The following BAZ2B variants were observed in gnomAD, a reference collection of about 807,000 sequenced individuals.
BAZ2B encodes the protein bromodomain adjacent to zinc finger domain protein 2B.
Under a neutral mutation model 246.0 loss-of-function variants are expected in BAZ2B, and 91 were observed. That is an observed-to-expected ratio of 0.37 (90% CI 0.31 to 0.44). The LOEUF (loss-of-function observed/expected upper bound fraction) is 0.44, where lower values mean the gene tolerates loss of function less well. Among genes scored for constraint, BAZ2B ranks in the 20% least tolerant of loss-of-function variants. BAZ2B has a pLI of 1.00. For missense variants in BAZ2B, 2,332 were observed against 2,533.7 expected (o/e 0.92, Z 1.71); for synonymous variants, 855 against 860.0 (o/e 0.99, Z 0.10).
intron 36 of BAZ2B, among the ~76,000 whole-genome samples, chr2:159,322,271 T>C (rs978618544): frequency 6.6e-6 from 1 of 152,178 alleles, no homozygotes; most frequent in East Asian, 1.9e-4. Context: ...TTACTGAGGT[T>C]AAGAAATTCA....
the BAZ2B span, among the ~76,000 whole-genome samples, chr2:159,701,578 GTTGTAT>G: frequency 6.7e-6 from 1 of 149,332 alleles, no homozygotes; most frequent in East Asian, 1.9e-4. Flanking sequence ...TTTTTTAATA[GTTGTAT>G]TTGTAGTTTT....
At position 159,385,093 on chromosome 2, in the gene BAZ2B, T is replaced by C. The variant is rs1008896065; in HGVS notation, c.3686+62A>G. On this transcript the variant is annotated intron_variant, in intron 23 of 36. Coordinates refer to ENST00000392783, the MANE Select transcript of BAZ2B (RefSeq NM_013450.4). ...CCAATTTTCTATAATCAATTTGTAT[T>C]ACTTTTTGATTAGAAAAATTCAAAA... 2.1e-5 allele frequency: 32 copies of C among 1,489,082 alleles called. No homozygotes were observed. The African/African-American group carries it at 4.3e-4, about 20-fold the overall frequency. 92.2% of individuals were successfully genotyped at this position (1,489,082 alleles called of 1,614,324 possible). A position where few individuals can be genotyped will look rare whatever the true frequency, so the allele number is the denominator to read the frequency against.
intron 27 of BAZ2B, among the ~76,000 whole-genome samples, chr2:159,370,599 C>G (rs1333563404): frequency 6.6e-6 from 1 of 151,936 alleles, no homozygotes; most frequent in East Asian, 1.9e-4. Context: ...GTCTTGATCT[C>G]CTGACCTCGT....
chr2:159,504,782 C>T (rs1001238253), intron 2 of BAZ2B, among the ~76,000 whole-genome samples: 8 of 151,968 alleles, frequency 5.3e-5, no homozygotes, highest in African/African-American at 1.2e-4. Context: ...CAGCTTAAAC[C>T]GTAAGATAAT....
At chr2:159,367,399 C>G (rs1426768347) in intron 27 of BAZ2B, among the ~76,000 whole-genome samples, 2 of 152,028 alleles carry the variant, frequency 1.3e-5, no homozygotes, top group Non-Finnish European at 1.5e-5. Context: ...TATTACCTTG[C>G]CTCTTGTACA....
the BAZ2B span, among the ~76,000 whole-genome samples, chr2:159,667,719 G>T: frequency 6.6e-6 from 1 of 151,848 alleles, no homozygotes; most frequent in South Asian, 2.1e-4. Context: ...TATGTCCCAG[G>T]CCTATTTTAA....
chr2:159,646,464 T>C, the BAZ2B span, among the ~76,000 whole-genome samples: 142,243 of 152,178 alleles, frequency 0.93, 66,604 homozygotes, highest in Middle Eastern at 0.97. Flanking sequence ...TCTCAGCTTA[T>C]GAGATGACAG....
chr2:159,370,625 G>A (rs966594081), intron 27 of BAZ2B, among the ~76,000 whole-genome samples: 1 of 151,928 alleles, frequency 6.6e-6, no homozygotes, highest in Non-Finnish European at 1.5e-5. Context: ...GCCCGTCTCC[G>A]CCTCCCAAAG....
In BAZ2B at chr2:159,529,505, T is replaced by C. The variant is rs537114240; in HGVS notation, c.-3+26318A>G. On this transcript the variant is annotated intron_variant, in intron 2 of 36. Coordinates refer to ENST00000392783, the MANE Select transcript of BAZ2B (RefSeq NM_013450.4). ...TTGGAACAGTTCTCACCCAGGTATC[T>C]ACATGGCTCAACTCCCTCACTTCCT... is the stretch of plus-strand genomic sequence containing the variant. 2.6e-5 allele frequency among the ~76,000 whole-genome samples: 4 copies of C among 152,300 alleles called. No individual in the cohort carries two copies. The East Asian group carries it at 5.8e-4, about 22-fold the overall frequency.
chr2:159,506,956 C>A (rs2082394297), intron 2 of BAZ2B, among the ~76,000 whole-genome samples: 1 of 152,164 alleles, frequency 6.6e-6, no homozygotes, highest in Non-Finnish European at 1.5e-5. Context: ...ACTGGTGGGA[C>A]TGATGAATAA....
At chr2:159,673,762 G>A in the BAZ2B span, among the ~76,000 whole-genome samples, 1 of 151,676 alleles carries the variant, frequency 6.6e-6, no homozygotes, top group Non-Finnish European at 1.5e-5. Flanking sequence ...CTATAAAAAA[G>A]TACATAGAGT....
the BAZ2B span, among the ~76,000 whole-genome samples, chr2:159,652,107 G>C: frequency 6.6e-6 from 1 of 151,852 alleles, no homozygotes; most frequent in Non-Finnish European, 1.5e-5. Flanking sequence ...ATTTTCTCAG[G>C]AACTGACAGA....
chr2:159,568,100 ACTAT>A (rs1427752137), intron 1 of BAZ2B, among the ~76,000 whole-genome samples: 1 of 152,226 alleles, frequency 6.6e-6, no homozygotes, highest in Non-Finnish European at 1.5e-5. Flanking sequence ...AACCATAACC[ACTAT>A]CTAATTCCGG....
At chr2:159,633,499 T>C in the BAZ2B span, among the ~76,000 whole-genome samples, 112 of 152,308 alleles carry the variant, frequency 7.4e-4, 1 homozygote, top group Non-Finnish European at 1.4e-3. Context: ...TCTTCAGCAT[T>C]AAAATTCATA....
chr2:159,682,189 CTCTT>C, the BAZ2B span, among the ~76,000 whole-genome samples: 13 of 135,322 alleles, frequency 9.6e-5, no homozygotes, highest in Non-Finnish European at 1.8e-4. Flanking sequence ...CCTGCTCAGG[CTCTT>C]TTTTTTTTTT....
At chr2:159,402,030 A>G (rs1353460184) in intron 16 of BAZ2B, among the ~76,000 whole-genome samples, 2 of 152,140 alleles carry the variant, frequency 1.3e-5, no homozygotes, top group Admixed American at 6.6e-5. Context: ...TCCCTGCAGG[A>G]TTCTACTGCA....
At chr2:159,608,279 C>T (rs897655043) in intron 1 of BAZ2B, among the ~76,000 whole-genome samples, 2 of 152,254 alleles carry the variant, frequency 1.3e-5, no homozygotes, top group East Asian at 3.9e-4. Context: ...CGGACTGAGG[C>T]GGTGGGGATC....
chr2:159,329,848 A>G (rs1400656609), intron 34 of BAZ2B, among the ~76,000 whole-genome samples: 1 of 152,202 alleles, frequency 6.6e-6, no homozygotes, highest in Non-Finnish European at 1.5e-5. Context: ...TGAATGGTAG[A>G]TAGCTAGGAT....
intron 2 of BAZ2B, among the ~76,000 whole-genome samples, chr2:159,510,520 A>G (rs1048875479): frequency 6.6e-6 from 1 of 152,146 alleles, no homozygotes; most frequent in African/African-American, 2.4e-5. Context: ...GATGATGAAA[A>G]AATTTTGGAA....
Sources: gnomAD v4.1 joint callset for allele counts (sites outside exome capture counted in the v4.1 genomes callset) on GRCh38, gnomAD v4.1.1 for gene constraint, MANE v1.5 for transcripts, NCBI Gene and HGNC (gene_info 2026-07-23, HGNC 2026-07-21) for gene names.